KCNIP4: variants seen among roughly 807,000 people sequenced by gnomAD.
KCNIP4 encodes potassium voltage-gated channel interacting protein 4, also known as Kv channel-interacting protein 4.
Under a neutral mutation model 34.0 loss-of-function variants are expected in KCNIP4, and 12 were observed. The observed-to-expected ratio is 0.35, with a 90% CI of 0.23 to 0.57. The LOEUF (loss-of-function observed/expected upper bound fraction) is 0.57. Ranked by LOEUF, KCNIP4 falls within the 20% of genes least tolerant of loss-of-function variation. KCNIP4 has a pLI of 0.83. For missense variants in KCNIP4, 238 were observed against 311.7 expected (o/e 0.76, Z 1.78); for synonymous variants, 124 against 102.2 (o/e 1.21, Z -1.29).
intron 1 of KCNIP4, among the ~76,000 whole-genome samples, chr4:20,952,844 G>T (rs1421770607): frequency 1.3e-5 from 2 of 152,208 alleles, no homozygotes; most frequent in Admixed American, 6.5e-5. Flanking sequence ...AGCTCTGGAG[G>T]CTGGGAAGTC....
chr4:21,240,107 G>C lies in KCNIP4; in HGVS notation c.62-357398C>G, dbSNP rs1278087969. Among the ~76,000 whole-genome samples, 3 of 150,962 alleles carry C rather than the reference G, an allele frequency of 2.0e-5. No homozygotes were observed. In the East Asian group the frequency reaches 5.9e-4, roughly 30 times the overall value. On this transcript the variant is annotated intron_variant, in intron 1 of 8. Transcript: ENST00000382152. ...GATGAAGCTGGAAACCATCATTCTT[G>C]GCAAACTATCGCAAAGACAAAAAAC...
At chr4:21,664,150 T>C (rs917853209) in intron 1 of KCNIP4, among the ~76,000 whole-genome samples, 1 of 152,086 alleles carries the variant, frequency 6.6e-6, no homozygotes, top group Admixed American at 6.5e-5. Context: ...GGTTTCACCA[T>C]GTTGGCCAGG....
chr4:20,783,963 T>C (rs1484466135), intron 3 of KCNIP4, among the ~76,000 whole-genome samples: 1 of 152,126 alleles, frequency 6.6e-6, no homozygotes, highest in African/African-American at 2.4e-5. Flanking sequence ...GAGAATACAA[T>C]GGAAAAATGG....
chr4:20,799,284 A>G (rs554727258), intron 3 of KCNIP4, among the ~76,000 whole-genome samples: 3 of 152,130 alleles, frequency 2.0e-5, no homozygotes, highest in Non-Finnish European at 2.9e-5. Flanking sequence ...TTCTAGCACC[A>G]CAGGTGAGGC....
intron 1 of KCNIP4, among the ~76,000 whole-genome samples, chr4:21,182,400 C>A (rs373981109): frequency 6.8e-6 from 1 of 147,936 alleles, no homozygotes; most frequent in African/African-American, 2.5e-5. Flanking sequence ...TTACTTTCAA[C>A]TTTTCCTCTT....
intron 1 of KCNIP4, among the ~76,000 whole-genome samples, chr4:21,761,848 C>T (rs536907946): frequency 8.6e-5 from 13 of 151,998 alleles, no homozygotes; most frequent in African/African-American, 1.2e-4. Context: ...CTAAATGATG[C>T]GGAACAGGAA....
chr4:20,783,930 A>G (rs534700149), intron 3 of KCNIP4, among the ~76,000 whole-genome samples: 2 of 152,256 alleles, frequency 1.3e-5, no homozygotes, highest in Non-Finnish European at 2.9e-5. Flanking sequence ...GCCCTTACAT[A>G]TATCTGGCAC....
At chr4:20,802,219 G>T (rs1206654385) in intron 3 of KCNIP4, among the ~76,000 whole-genome samples, 3 of 56,610 alleles carry the variant, frequency 5.3e-5, no homozygotes, top group Non-Finnish European at 1.2e-4. Context: ...CTACATATAT[G>T]CTATACATAT....
chr4:20,980,264 A>G (rs886144811), intron 1 of KCNIP4, among the ~76,000 whole-genome samples: 7 of 152,172 alleles, frequency 4.6e-5, no homozygotes, highest in Admixed American at 4.6e-4. Context: ...GTCAATACCC[A>G]ACAGGGTACC....
intron 1 of KCNIP4, among the ~76,000 whole-genome samples, chr4:21,469,298 GGCCTCCCAACATGTTA>G (rs1182875319): frequency 6.6e-6 from 1 of 151,944 alleles, no homozygotes; most frequent in Non-Finnish European, 1.5e-5. Context: ...TGCCAGCCTT[GGCCTCCCAACATGTTA>G]GGATTATAGG....
chr4:20,829,132 A>C (rs571178219), intron 3 of KCNIP4, among the ~76,000 whole-genome samples: 44 of 152,316 alleles, frequency 2.9e-4, no homozygotes, highest in Admixed American at 1.7e-3. Flanking sequence ...ACCATTGTGA[A>C]GTGTGTCTTC....
At chr4:21,773,755 T>TTTTTGTTTGTTTG (rs377403469) in intron 1 of KCNIP4, among the ~76,000 whole-genome samples, 23 of 137,868 alleles carry the variant, frequency 1.7e-4, no homozygotes, top group Non-Finnish European at 2.7e-4. Flanking sequence ...GTTTTTTTTT[T>TTTTTGTTTGTTTG]TTTGTTTGTT....
At chr4:20,917,455 C>T (rs545150813) in intron 1 of KCNIP4, among the ~76,000 whole-genome samples, 1 of 152,138 alleles carries the variant, frequency 6.6e-6, no homozygotes, top group African/African-American at 2.4e-5. Context: ...CTGCTTCACC[C>T]TAAAATGGGA....
chr4:21,547,273 G>A (rs1405883134), intron 1 of KCNIP4, among the ~76,000 whole-genome samples: 1 of 152,050 alleles, frequency 6.6e-6, no homozygotes, highest in Non-Finnish European at 1.5e-5. Flanking sequence ...TTGTTACACA[G>A]CATTGATGCA....
At chr4:21,233,724 C>T (rs1414622762) in intron 1 of KCNIP4, among the ~76,000 whole-genome samples, 1 of 150,232 alleles carries the variant, frequency 6.7e-6, no homozygotes, top group Non-Finnish European at 1.5e-5. Context: ...ATAAATCCTA[C>T]CTCTTGTCAC....
At chr4:20,841,086 G>T (rs1294936357) in intron 3 of KCNIP4, among the ~76,000 whole-genome samples, 1 of 152,138 alleles carries the variant, frequency 6.6e-6, no homozygotes, top group Non-Finnish European at 1.5e-5. Flanking sequence ...TTTTACTAAA[G>T]GAGCCATGCT....
At chr4:21,602,512 C>G (rs1158009688) in intron 1 of KCNIP4, among the ~76,000 whole-genome samples, 3 of 152,214 alleles carry the variant, frequency 2.0e-5, no homozygotes, top group East Asian at 3.9e-4. Flanking sequence ...AAGCTGAACT[C>G]AAGTCTCTCA....
chr4:21,764,031 T>C (rs1718233503), intron 1 of KCNIP4, among the ~76,000 whole-genome samples: 1 of 152,104 alleles, frequency 6.6e-6, no homozygotes, highest in African/African-American at 2.4e-5. Context: ...TTATGTATTT[T>C]AGTAATGAAC....
Position 21,714,841 on chromosome 4 carries a change from T to G in KCNIP4, c.61+233730A>C, listed in dbSNP as rs372352705. ...TTTATTTTATTTTATTTTATTTTAT[T>G]TTATTTTATTTTATTTTATTTTATT... On this transcript the variant is annotated intron_variant, in intron 1 of 8. Coordinates refer to ENST00000382152, the MANE Select transcript of KCNIP4 (RefSeq NM_025221.6). Among the ~76,000 whole-genome samples the G allele has an allele frequency of 6.6e-4, 2 of 3,008 alleles. 1 individual carries two copies. Among genetic ancestry groups the G allele is most frequent in the African/African-American group, 0.014 (2 of 138 alleles). The allele number at this position is 3,008 out of a possible 152,430, so 2.0% of individuals were successfully genotyped here.
Sources: gnomAD v4.1 joint callset for allele counts (sites outside exome capture counted in the v4.1 genomes callset) on GRCh38, gnomAD v4.1.1 for gene constraint, MANE v1.5 for transcripts, NCBI Gene and HGNC (gene_info 2026-07-23, HGNC 2026-07-21) for gene names.